The following RIN3 variants were observed in gnomAD, a reference collection of about 807,000 sequenced individuals.
RIN3 encodes the protein RAB5 interacting protein 3.
In RIN3, 54 loss-of-function variants were observed where a neutral mutation model predicts 76.3. That is an observed-to-expected ratio of 0.71 (90% confidence interval 0.57 to 0.89). The LOEUF is 0.89. Ranked by LOEUF, RIN3 falls within the 40% of genes least tolerant of loss-of-function variation. The probability of loss-of-function intolerance (pLI) is 0.00; values close to 1 mark genes in which losing one functional copy is unlikely to be tolerated. For synonymous variants in RIN3, 576 were observed against 564.0 expected, an observed-to-expected ratio of 1.02 and a Z score of -0.30; for missense variants, 1,256 against 1,322.1, an observed-to-expected ratio of 0.95 and a Z score of 0.78.
chr14:92,586,891 G>A (rs1884796633), intron 3 of RIN3, among the ~76,000 whole-genome samples: 1 of 152,196 alleles, frequency 6.6e-6, no homozygotes, highest in Admixed American at 6.5e-5. Context: ...TTGGGCCTTG[G>A]ACGATGGAAA....
At chr14:92,628,421 G>A (rs997299004) in intron 4 of RIN3, among the ~76,000 whole-genome samples, 5 of 152,180 alleles carry the variant, frequency 3.3e-5, no homozygotes, top group Admixed American at 2.6e-4. Flanking sequence ...GTTGAGGTCT[G>A]CAGGATCCCC....
At chr14:92,581,874 T>TGGGA (rs1232907379) in intron 3 of RIN3, among the ~76,000 whole-genome samples, 1 of 151,656 alleles carries the variant, frequency 6.6e-6, no homozygotes, top group Non-Finnish European at 1.5e-5. Flanking sequence ...AGGAGCAGGG[T>TGGGA]GGGAGGCAGT....
chr14:92,667,673 A>G (rs1335129587), intron 7 of RIN3, among the ~76,000 whole-genome samples: 2 of 152,206 alleles, frequency 1.3e-5, no homozygotes, highest in African/African-American at 2.4e-5. Flanking sequence ...ATTTGCTGCT[A>G]TAAACATTTG....
chr14:92,665,342 C>A (rs1048603331), intron 7 of RIN3, among the ~76,000 whole-genome samples: 1 of 144,802 alleles, frequency 6.9e-6, no homozygotes, highest in Non-Finnish European at 1.5e-5. Flanking sequence ...TTATGCGTTG[C>A]GTGACTGTAT....
At chr14:92,659,581 C>G in intron 7 of RIN3, 112 bp downstream of exon 7, 2 of 1,040,558 alleles carry the variant, frequency 1.9e-6, no homozygotes, top group South Asian at 3.4e-5. Context: ...TTTCCAGATT[C>G]AGAGCCCCCT....
rs1408717351 is a variant in RIN3, at chr14:92,667,389, C to T, written c.2335+7920C>T. ...AAAATTATCTGGGCATGGTGGCGCA[C>T]ACCTGTAATCCCAGCTACTCAGGAG... On this transcript the variant is annotated intron_variant, in intron 7 of 9. Coordinates refer to ENST00000216487, the MANE Select transcript of RIN3 (RefSeq NM_024832.5). Among the ~76,000 whole-genome samples the T allele has an allele frequency of 3.9e-5, 6 of 152,104 alleles. No individual in the cohort carries two copies. In the South Asian group the frequency reaches 6.2e-4, roughly 16 times the overall value.
chr14:92,611,326 C>T (rs1393067333), intron 3 of RIN3, among the ~76,000 whole-genome samples: 1 of 152,172 alleles, frequency 6.6e-6, no homozygotes, highest in Non-Finnish European at 1.5e-5. Context: ...TCGCTCTATC[C>T]CCCAGGCTGG....
chr14:92,556,633 G>T (rs1897591635), intron 2 of RIN3, among the ~76,000 whole-genome samples: 1 of 151,676 alleles, frequency 6.6e-6, no homozygotes, highest in South Asian at 2.1e-4. Flanking sequence ...ACAGATAAGT[G>T]GGTGATAGAT....
chr14:92,609,157 G>A (rs1175267300), intron 3 of RIN3, among the ~76,000 whole-genome samples: 1 of 152,082 alleles, frequency 6.6e-6, no homozygotes, highest in Non-Finnish European at 1.5e-5. Context: ...TTCCATTCCT[G>A]AAAAACTGAA....
At chr14:92,580,463 A>C (rs1424479455) in intron 3 of RIN3, among the ~76,000 whole-genome samples, 1 of 152,242 alleles carries the variant, frequency 6.6e-6, no homozygotes, top group African/African-American at 2.4e-5. Context: ...TGCCTCTCAG[A>C]GCTCACTTCA....
Position 92,547,164 on chromosome 14 carries a change from A to G in RIN3, c.45-8587A>G, listed in dbSNP as rs1312752818. Among the ~76,000 whole-genome samples the G allele has an allele frequency of 9.1e-4, 59 of 64,782 alleles. No homozygotes were observed. The South Asian group carries it at 9.3e-3, about 10-fold the overall frequency. 42.5% of individuals were successfully genotyped at this position (64,782 alleles called of 152,430 possible). ...ATTATCTTTATTTTATTATTATAAAATAAATTATCTTTATTTTATTATTAT... is the reference window on the plus strand; with the variant it reads ...ATTATCTTTATTTTATTATTATAAAGTAAATTATCTTTATTTTATTATTAT... On this transcript the variant is annotated intron_variant, in intron 1 of 9. Transcript: ENST00000216487.
At chr14:92,560,508 A>C (rs1231423417) in intron 2 of RIN3, among the ~76,000 whole-genome samples, 5 of 152,168 alleles carry the variant, frequency 3.3e-5, no homozygotes, top group African/African-American at 1.2e-4. Context: ...GCATGATCTT[A>C]CTTGATCCTC....
At chr14:92,565,497 G>A (rs1018129924) in intron 2 of RIN3, among the ~76,000 whole-genome samples, 7 of 152,190 alleles carry the variant, frequency 4.6e-5, no homozygotes, top group East Asian at 1.9e-4. Flanking sequence ...TGGGCTGCTC[G>A]AATGAATATA....
In RIN3 at chr14:92,590,890, T is replaced by C. The variant is rs537010052; in HGVS notation, c.367+13413T>C. ...CATCATATCACTAAAGGCCTGTTTA[T>C]AGCAGTTCCTTTTATCTAGTACATT... is the stretch of plus-strand genomic sequence containing the variant. On this transcript the variant is annotated intron_variant, in intron 3 of 9. Coordinates refer to ENST00000216487, the MANE Select transcript of RIN3 (RefSeq NM_024832.5). Among the ~76,000 whole-genome samples, 3 of 152,328 alleles carry C rather than the reference T, an allele frequency of 2.0e-5. No homozygotes were observed. In the South Asian group the frequency reaches 6.2e-4, roughly 32 times the overall value.
chr14:92,549,824 C>T (rs1897375694), intron 1 of RIN3, among the ~76,000 whole-genome samples: 1 of 152,236 alleles, frequency 6.6e-6, no homozygotes, highest in African/African-American at 2.4e-5. Context: ...TGCTCTATTC[C>T]CCATGAGTGG....
At chr14:92,632,315 A>G (rs754244614) in intron 4 of RIN3, among the ~76,000 whole-genome samples, 8 of 152,032 alleles carry the variant, frequency 5.3e-5, no homozygotes, top group South Asian at 2.1e-4. Context: ...GCTCCTGCTG[A>G]TGGGGCATCT....
intron 3 of RIN3, among the ~76,000 whole-genome samples, chr14:92,603,917 C>T (rs1885434407): frequency 6.6e-6 from 1 of 152,272 alleles, no homozygotes; most frequent in African/African-American, 2.4e-5. Context: ...GAACACAAAG[C>T]AATTTCCATC....
intron 7 of RIN3, among the ~76,000 whole-genome samples, chr14:92,665,338 G>A (rs112097633): frequency 0.051 from 7,471 of 147,348 alleles, 259 homozygotes; most frequent in Non-Finnish European, 0.078. Flanking sequence ...TTCATTATGC[G>A]TTGCGTGACT....
chr14:92,669,926 C>T (rs1438212408), intron 7 of RIN3, among the ~76,000 whole-genome samples: 1 of 152,164 alleles, frequency 6.6e-6, no homozygotes, highest in Non-Finnish European at 1.5e-5. Context: ...AATGCTTCCT[C>T]ACCCTGTCAC....
Sources: gnomAD v4.1 joint callset for allele counts (sites outside exome capture counted in the v4.1 genomes callset) on GRCh38, gnomAD v4.1.1 for gene constraint, MANE v1.5 for transcripts, NCBI Gene and HGNC (gene_info 2026-07-23, HGNC 2026-07-21) for gene names.